Variants in NMRK1 observed in about 807,000 individuals in gnomAD.
NMRK1 encodes the protein nicotinamide riboside kinase 1, also known as NRK 1.
A neutral mutation model predicts 29.9 loss-of-function variants in NMRK1; 28 were observed. The ratio of observed to expected loss-of-function variants is 0.94; its 90% CI spans 0.69 to 1.28. The LOEUF (loss-of-function observed/expected upper bound fraction) is 1.28, where lower values mean the gene tolerates loss of function less well. Among genes scored for constraint, NMRK1 ranks in the 50% most tolerant of loss-of-function variants. The pLI is 0.00. For synonymous variants in NMRK1, 58 were observed against 73.0 expected (o/e 0.79, Z 1.05); for missense variants, 218 against 233.1 (o/e 0.94, Z 0.42).
intron 4 of NMRK1, among the ~76,000 whole-genome samples, chr9:75,075,353 GAA>G (rs11345087): frequency 1.3e-5 from 2 of 151,388 alleles, no homozygotes; most frequent in African/African-American, 4.8e-5. Flanking sequence ...AGGAAGAGAA[GAA>G]AAAAAAAATG....
rs1183112015 is a variant in NMRK1 at position 75,066,812 on chromosome 9, C to T, written c.525G>A (p.Glu175=). 4 of 1,608,664 alleles carry T rather than the reference C, an allele frequency of 2.5e-6. No homozygotes were observed. The highest frequency in any genetic ancestry group is 3.4e-6 in the Non-Finnish European group (4 of 1,175,424). ...VVYLDGTKSE[E]DLFLQVYEDL... is the part of the protein sequence containing the mutation. The stretch of plus-strand genomic sequence containing the variant: ...CTTCATATACTTGCAAAAAGAGGTC[C>T]TCTTCAGATTTTGTTCCATCCAGGT... The change falls in exon 8 of 9, where the codon GAG becomes GAA. Residue 175 remains glutamate (E), a synonymous_variant. Transcript: ENST00000361092.
In NMRK1 at chr9:75,061,471, G is replaced by C. The variant is rs966169238; in HGVS notation, c.*77C>G. On this transcript the variant is annotated 3_prime_UTR_variant, in exon 9 of 9. Transcript: ENST00000361092. Reference sequence around the variant, plus strand: ...CTGTCATTGTACCACAGTATACATTGTATCTTGGTGAAGGTTCTTAAATTA... The same window carrying C: ...CTGTCATTGTACCACAGTATACATTCTATCTTGGTGAAGGTTCTTAAATTA... 1 of 1,064,812 alleles carries C rather than the reference G, an allele frequency of 9.4e-7. No individual in the cohort carries two copies. The highest frequency in any genetic ancestry group is 1.4e-6 in the Non-Finnish European group (1 of 696,532). 66.0% of individuals were successfully genotyped at this position (1,064,812 alleles called of 1,614,324 possible).
intron 8 of NMRK1, among the ~76,000 whole-genome samples, chr9:75,065,713 C>T (rs1564124403): frequency 6.6e-6 from 1 of 152,168 alleles, no homozygotes; most frequent in East Asian, 1.9e-4. Context: ...TATGCCATCT[C>T]CCTGGCCATA....
At chr9:75,065,075 C>CTGCA (rs1823259283) in intron 8 of NMRK1, among the ~76,000 whole-genome samples, 1 of 152,246 alleles carries the variant, frequency 6.6e-6, no homozygotes, top group Non-Finnish European at 1.5e-5. Context: ...TCATGGCTCA[C>CTGCA]TGCAGCCTTG....
At chr9:75,086,211 TA>T (rs1824620752) in intron 1 of NMRK1, among the ~76,000 whole-genome samples, 1 of 151,190 alleles carries the variant, frequency 6.6e-6, no homozygotes, top group South Asian at 2.1e-4. Context: ...CTGCCTCCCA[TA>T]AAACCAAAAA....
At chr9:75,069,438 G>T (rs534343468) in intron 6 of NMRK1, 1 of 473,178 alleles carries the variant, frequency 2.1e-6, no homozygotes, top group African/African-American at 2.0e-5. Context: ...GGTGTTCTTT[G>T]TAGCTGTGGC....
chr9:75,082,303 TG>T (rs1016426354), intron 2 of NMRK1, among the ~76,000 whole-genome samples: 2 of 152,178 alleles, frequency 1.3e-5, no homozygotes, highest in African/African-American at 4.8e-5. Flanking sequence ...TCTGGTTAGA[TG>T]GGAGGCAAAG....
intron 1 of NMRK1, among the ~76,000 whole-genome samples, chr9:75,085,775 T>G (rs1267375774): frequency 1.4e-5 from 2 of 144,724 alleles, no homozygotes; most frequent in African/African-American, 5.1e-5. Context: ...GAACTCCCAG[T>G]TCTACATTAG....
intron 8 of NMRK1, among the ~76,000 whole-genome samples, chr9:75,062,866 A>G (rs10283668): frequency 0.79 from 119,992 of 152,038 alleles, 47,528 homozygotes; most frequent in Admixed American, 0.83. Flanking sequence ...ACCCCGTCTT[A>G]ACTAAAAATA....
intron 2 of NMRK1, chr9:75,082,821 C>A: frequency 2.1e-6 from 1 of 481,490 alleles, no homozygotes; most frequent in Non-Finnish European, 3.7e-6. Flanking sequence ...CCAATCAGAC[C>A]TTGTCTCTGG....
At chr9:75,082,115 C>A (rs539593050) in intron 2 of NMRK1, among the ~76,000 whole-genome samples, 1 of 152,254 alleles carries the variant, frequency 6.6e-6, no homozygotes, top group South Asian at 2.1e-4. Flanking sequence ...GAATATCATT[C>A]ATCAGGCAGA....
chr9:75,072,297 G>A (rs1488733601), intron 4 of NMRK1, among the ~76,000 whole-genome samples: 1 of 152,074 alleles, frequency 6.6e-6, no homozygotes, highest in African/African-American at 2.4e-5. Flanking sequence ...GTCTTCCTTT[G>A]TCTGTTTGTT....
At chr9:75,066,583 TGA>T (rs1185527732) in intron 8 of NMRK1, among the ~76,000 whole-genome samples, 172 bp downstream of exon 8, 1 of 82,574 alleles carries the variant, frequency 1.2e-5, no homozygotes, top group African/African-American at 4.6e-5. Context: ...ACAAAATAAT[TGA>T]GTCTCCAAAC....
intron 4 of NMRK1, among the ~76,000 whole-genome samples, chr9:75,075,404 G>A (rs960255756): frequency 6.6e-6 from 1 of 152,132 alleles, no homozygotes; most frequent in Non-Finnish European, 1.5e-5. Context: ...CAGAGAGTGA[G>A]TCAAGAATTT....
At chr9:75,081,939 A>T (rs1016038332) in intron 2 of NMRK1, among the ~76,000 whole-genome samples, 23 of 152,216 alleles carry the variant, frequency 1.5e-4, no homozygotes, top group African/African-American at 5.5e-4. Flanking sequence ...CAAATGAAAG[A>T]CACATAAAAG....
intron 6 of NMRK1, chr9:75,069,439 T>C (rs989042080): frequency 1.3e-5 from 6 of 473,254 alleles, no homozygotes; most frequent in African/African-American, 1.2e-4. Context: ...GTGTTCTTTG[T>C]AGCTGTGGCA....
rs191784197 is a variant in NMRK1 at position 75,068,969 on chromosome 9, T to G, written c.496+27A>C. On this transcript the variant is annotated intron_variant, in intron 7 of 8. Coordinates refer to ENST00000361092, the MANE Select transcript of NMRK1 (RefSeq NM_017881.3). The stretch of plus-strand genomic sequence containing the variant: ...TGAGGCAAATGACAAGTAAAAGGCC[T>G]TGAACAGAAGGAGAAAAGGCACTTA... The G allele has an allele frequency of 8.6e-5, 129 of 1,507,362 alleles. No individual in the cohort carries two copies. In the African/African-American group the frequency reaches 1.6e-3, roughly 18 times the overall value. 93.4% of individuals were successfully genotyped at this position (1,507,362 alleles called of 1,614,324 possible).
rs781035267 is a variant in NMRK1, at chr9:75,066,756, C to T, written c.580+1G>A. On this transcript the variant is annotated splice_donor_variant, in intron 8 of 8. Transcript: ENST00000361092. LOFTEE classifies it high-confidence loss of function. ...ATCCACTTTGTTAGCACAATACTTA[C>T]ACTTTTGCTTTGCTAGTTCTTGTAT... The T allele has an allele frequency of 5.2e-6, 8 of 1,548,008 alleles. No individual in the cohort carries two copies. Among genetic ancestry groups the T allele is most frequent in the South Asian group, 1.1e-5 (1 of 89,738 alleles).
rs745326519 is a variant in NMRK1 at position 75,061,148 on chromosome 9, CAT to C, written c.*398_*399del. ...GATGTATGTATGTATCACACACACA[CAT>C]ACACACCTACACACAAATACATAAA... On this transcript the variant is annotated 3_prime_UTR_variant, in exon 9 of 9. Transcript: ENST00000361092. 32 of 187,172 alleles carry C rather than the reference CAT, an allele frequency of 1.7e-4. No individual in the cohort carries two copies. The highest frequency in any genetic ancestry group is 1.5e-3 in the South Asian group (11 of 7,204). The allele number at this position is 187,172 out of a possible 1,614,324, so 11.6% of individuals were successfully genotyped here. A position where few individuals can be genotyped will look rare whatever the true frequency, so the allele number is the denominator to read the frequency against.
Sources: allele counts gnomAD v4.1 joint callset (sites outside exome capture counted in the v4.1 genomes callset), GRCh38; gene constraint gnomAD v4.1.1; transcripts MANE v1.5; gene names NCBI Gene and HGNC (gene_info 2026-07-23, HGNC 2026-07-21).